The following METTL8 variants were observed in gnomAD, a reference collection of about 807,000 sequenced individuals.
METTL8 encodes tRNA N(3)-cytidine methyltransferase METTL8, mitochondrial.
In METTL8, 32 loss-of-function variants were observed where a neutral mutation model predicts 48.7. The ratio of observed to expected loss-of-function variants is 0.66; its 90% confidence interval spans 0.50 to 0.88. METTL8 has a LOEUF of 0.88. Ranked by LOEUF, METTL8 falls within the 40% of genes least tolerant of loss-of-function variation. METTL8 has a pLI of 0.00. For missense variants in METTL8, 464 were observed against 474.4 expected (o/e 0.98, Z 0.20); for synonymous variants, 136 against 157.1 (o/e 0.87, Z 1.01).
intron 1 of METTL8, among the ~76,000 whole-genome samples, chr2:171,414,134 A>G (rs1272799092): frequency 6.6e-6 from 1 of 152,098 alleles, no homozygotes; most frequent in Non-Finnish European, 1.5e-5. Flanking sequence ...AAATGTTGCT[A>G]AAGCCAGGCA....
intron 3 of METTL8, among the ~76,000 whole-genome samples, chr2:171,348,024 C>T (rs912955634): frequency 3.9e-5 from 6 of 152,200 alleles, no homozygotes; most frequent in Admixed American, 3.3e-4. Flanking sequence ...TAGGTAGGCA[C>T]TGCCCTCTTC....
Position 171,331,839 on chromosome 2 carries a change from A to G in METTL8, c.685T>C (p.Cys229Arg). The part of the protein sequence containing the change: ...ENSPESFLYC[C>R]DFASGAVELV... The stretch of plus-strand genomic sequence containing the variant: ...TCCACAGCTCCAGAAGCAAAATCAC[A>G]ACAATACAGAAAGGACTCCGGAGAG... Residue 229 changes from cysteine to arginine, a missense_variant, in exon 6 of 10, where the codon TGT becomes CGT. Transcript: ENST00000375258. The G allele has an allele frequency of 6.2e-7, 1 of 1,603,468 alleles. No individual in the cohort carries two copies. The highest frequency in any genetic ancestry group is 8.5e-7 in the Non-Finnish European group (1 of 1,174,604).
intron 2 of METTL8, among the ~76,000 whole-genome samples, chr2:171,369,420 G>A (rs904756460): frequency 6.6e-6 from 1 of 152,186 alleles, no homozygotes; most frequent in African/African-American, 2.4e-5. Context: ...TTCCATTATG[G>A]CAGACATTAT....
chr2:171,387,836 T>C (rs1688224424), intron 2 of METTL8, among the ~76,000 whole-genome samples: 1 of 152,136 alleles, frequency 6.6e-6, no homozygotes, highest in South Asian at 2.1e-4. Context: ...AAAATTGAGA[T>C]TCGGTTGCAA....
At chr2:171,332,101 G>C (rs542159334) in intron 5 of METTL8, 76 of 387,560 alleles carry the variant, frequency 2.0e-4, no homozygotes, top group African/African-American at 1.4e-3. Context: ...GCCCAGGCTG[G>C]TCTTGAACTA....
chr2:171,337,753 G>A lies in METTL8; in HGVS notation c.607-251C>T, dbSNP rs567134273. Among the ~76,000 whole-genome samples, 21 of 148,754 alleles carry A rather than the reference G, an allele frequency of 1.4e-4. No individual in the cohort carries two copies. In the South Asian group the frequency reaches 4.0e-3, roughly 28 times the overall value. On this transcript the variant is annotated intron_variant, in intron 4 of 9. Coordinates refer to ENST00000375258, the MANE Select transcript of METTL8 (RefSeq NM_001321154.2). ...AATTTAAAAATAACCAATACGCTGTGAAGAAAACTGCAATGAATATGATAA... is the reference window on the plus strand; with the variant it reads ...AATTTAAAAATAACCAATACGCTGTAAAGAAAACTGCAATGAATATGATAA...
chr2:171,395,393 C>T (rs1335939575), intron 1 of METTL8, among the ~76,000 whole-genome samples: 2 of 151,844 alleles, frequency 1.3e-5, no homozygotes, highest in Non-Finnish European at 2.9e-5. Flanking sequence ...AAATGGGCTC[C>T]AATTAAAAAG....
intron 2 of METTL8, among the ~76,000 whole-genome samples, chr2:171,386,464 A>T (rs1191397645): frequency 1.3e-5 from 2 of 152,212 alleles, no homozygotes; most frequent in Non-Finnish European, 2.9e-5. Context: ...AACCAATTTT[A>T]AAAATATATT....
intron 2 of METTL8, among the ~76,000 whole-genome samples, chr2:171,364,762 T>C (rs1228600838): frequency 6.6e-6 from 1 of 152,176 alleles, no homozygotes; most frequent in Non-Finnish European, 1.5e-5. Flanking sequence ...CTGAATGTAG[T>C]GTTGCTTCCT....
chr2:171,329,257 C>T (rs1329565084), intron 7 of METTL8, among the ~76,000 whole-genome samples: 1 of 152,256 alleles, frequency 6.6e-6, no homozygotes, highest in African/African-American at 2.4e-5. Flanking sequence ...TCCCAAAGTG[C>T]TGGGATTACA....
At chr2:171,416,708 G>A (rs1391806751) in intron 1 of METTL8, among the ~76,000 whole-genome samples, 1 of 152,204 alleles carries the variant, frequency 6.6e-6, no homozygotes, top group Non-Finnish European at 1.5e-5. Context: ...TATCCTGTAA[G>A]TGAGGGACAA....
chr2:171,360,564 G>GA, intron 2 of METTL8, 51 bp from the exon 3 acceptor site: 2 of 1,489,660 alleles, frequency 1.3e-6, no homozygotes, highest in Non-Finnish European at 1.8e-6. Context: ...GAAGAAGGCA[G>GA]AAAAAAGGTG....
At chr2:171,430,093 C>T (rs999107336) in intron 1 of METTL8, among the ~76,000 whole-genome samples, 2 of 150,970 alleles carry the variant, frequency 1.3e-5, no homozygotes, top group African/African-American at 4.9e-5. Flanking sequence ...AACGGTAGCT[C>T]ATGCCTATAA....
chr2:171,346,669 T>G (rs1687295126), intron 3 of METTL8, among the ~76,000 whole-genome samples: 1 of 152,222 alleles, frequency 6.6e-6, no homozygotes, highest in Non-Finnish European at 1.5e-5. Context: ...GGGAGAACAC[T>G]GGCTCTTTCA....
chr2:171,397,574 AAG>A (rs887919554), intron 1 of METTL8, among the ~76,000 whole-genome samples: 5 of 148,252 alleles, frequency 3.4e-5, no homozygotes, highest in South Asian at 2.1e-4. Flanking sequence ...AAAAAAAAAA[AAG>A]AGAGAGAGAG....
intron 2 of METTL8, among the ~76,000 whole-genome samples, chr2:171,371,334 T>G (rs1462623284): frequency 6.6e-6 from 1 of 151,972 alleles, no homozygotes; most frequent in Non-Finnish European, 1.5e-5. Flanking sequence ...AGTAAATTAG[T>G]TTTTGTTTTG....
Position 171,315,936 on chromosome 2 carries a change from C to T in METTL8, c.*8236G>A, listed in dbSNP as rs1230979516. On this transcript the variant is annotated 3_prime_UTR_variant, in exon 10 of 10. Transcript: ENST00000375258. ...AATTCCTCTGGTGTCACAGTTCCTCCTATACCAGGCCAGGCACTTGCCAAT... is the reference window on the plus strand; with the variant it reads ...AATTCCTCTGGTGTCACAGTTCCTCTTATACCAGGCCAGGCACTTGCCAAT... 4.6e-5 allele frequency among the ~76,000 whole-genome samples: 7 copies of T among 152,190 alleles called. No homozygotes were observed. Among genetic ancestry groups the T allele is most frequent in the Non-Finnish European group, 1.0e-4 (7 of 68,040 alleles).
At chr2:171,349,748 C>G (rs1417305427) in intron 3 of METTL8, among the ~76,000 whole-genome samples, 2 of 152,072 alleles carry the variant, frequency 1.3e-5, no homozygotes, top group Non-Finnish European at 2.9e-5. Flanking sequence ...ATACTGTTTT[C>G]CATAGTAGCC....
At chr2:171,356,862 G>T (rs952178471) in intron 3 of METTL8, among the ~76,000 whole-genome samples, 19 of 151,386 alleles carry the variant, frequency 1.3e-4, no homozygotes, top group African/African-American at 4.4e-4. Flanking sequence ...AATACTGGAA[G>T]TCCTGGCCAG....
Sources: gnomAD v4.1 joint callset for allele counts (sites outside exome capture counted in the v4.1 genomes callset) on GRCh38, gnomAD v4.1.1 for gene constraint, MANE v1.5 for transcripts, NCBI Gene and HGNC (gene_info 2026-07-23, HGNC 2026-07-21) for gene names.